FBXO38: variants seen among roughly 807,000 people sequenced by gnomAD.
FBXO38 encodes F-box only protein 38.
Under a neutral mutation model 131.9 loss-of-function variants are expected in FBXO38, and 53 were observed. That is an observed-to-expected ratio of 0.40 (90% CI 0.32 to 0.51). The LOEUF is 0.51. Among genes scored for constraint, FBXO38 ranks in the 20% least tolerant of loss-of-function variants. The pLI is 0.53. For synonymous variants in FBXO38, 452 were observed against 505.6 expected, an observed-to-expected ratio of 0.89 and a Z score of 1.42; for missense variants, 1,076 against 1,475.6, an observed-to-expected ratio of 0.73 and a Z score of 4.44.
Position 148,425,718 on chromosome 5 carries a change from C to T in FBXO38, c.1918+17C>T. On this transcript the variant is annotated intron_variant, in intron 14 of 21. Transcript: ENST00000340253. ...AATTGTCAGGTGAGAAATTGTCTTT[C>T]TCTGAACTATTAATGAGAGTCACTA... 1.9e-6 allele frequency: 3 copies of T among 1,607,830 alleles called. No individual in the cohort carries two copies. The highest frequency in any genetic ancestry group is 2.6e-6 in the Non-Finnish European group (3 of 1,175,992).
intron 12 of FBXO38, among the ~76,000 whole-genome samples, chr5:148,420,192 A>G (rs1015515896): frequency 6.7e-6 from 1 of 150,226 alleles, no homozygotes; most frequent in African/African-American, 2.5e-5. Context: ...GCATGATCAT[A>G]GCTCACTGTA....
At chr5:148,392,732 C>T (rs375874947) in intron 1 of FBXO38, among the ~76,000 whole-genome samples, 49 of 151,798 alleles carry the variant, frequency 3.2e-4, no homozygotes, top group African/African-American at 1.0e-3. Context: ...CGACAAGAAT[C>T]GAGAATATCA....
chr5:148,414,724 T>G (rs1000815587), intron 10 of FBXO38, among the ~76,000 whole-genome samples: 1 of 152,156 alleles, frequency 6.6e-6, no homozygotes, highest in Non-Finnish European at 1.5e-5. Flanking sequence ...TAACCTGAGA[T>G]AAAAATTTCT....
chr5:148,407,232 T>C (rs996835162), intron 7 of FBXO38, among the ~76,000 whole-genome samples: 2 of 152,172 alleles, frequency 1.3e-5, no homozygotes, highest in Non-Finnish European at 2.9e-5. Flanking sequence ...GTTAACAAGA[T>C]AAAAGTCAAA....
chr5:148,387,542 T>G (rs1467299499), intron 1 of FBXO38, among the ~76,000 whole-genome samples: 2 of 152,194 alleles, frequency 1.3e-5, no homozygotes, highest in Non-Finnish European at 2.9e-5. Flanking sequence ...CTTGTTAATG[T>G]TGATATTTTG....
Position 148,442,245 on chromosome 5 carries a change from G to C in FBXO38, c.*98G>C. The C allele has an allele frequency of 8.9e-7, 1 of 1,122,650 alleles. No homozygotes were observed. Among genetic ancestry groups the C allele is most frequent in the Non-Finnish European group, 1.3e-6 (1 of 771,334 alleles). 69.5% of individuals were successfully genotyped at this position (1,122,650 alleles called of 1,614,324 possible). A position where few individuals can be genotyped will look rare whatever the true frequency, so the allele number is the denominator to read the frequency against. ...GGGACTTGAGGCATGCAGTTGGGAG[G>C]TCCTGGCTCGGTTTGCTATATAGGG... On this transcript the variant is annotated 3_prime_UTR_variant, in exon 22 of 22. Coordinates refer to ENST00000340253, the MANE Select transcript of FBXO38 (RefSeq NM_205836.3).
intron 6 of FBXO38, among the ~76,000 whole-genome samples, chr5:148,405,288 AT>A (rs1561522321): frequency 1.3e-5 from 2 of 152,140 alleles, no homozygotes; most frequent in African/African-American, 4.8e-5. Context: ...CCCAATACAA[AT>A]TCTTAAACTT....
At chr5:148,424,139 C>A in intron 13 of FBXO38, 22 bp downstream of exon 13, 1 of 1,597,706 alleles carries the variant, frequency 6.3e-7, no homozygotes, top group Non-Finnish European at 8.5e-7. Flanking sequence ...ATCCATCCCA[C>A]ATTCATCATT....
intron 1 of FBXO38, among the ~76,000 whole-genome samples, chr5:148,388,111 A>G (rs1007279487): frequency 1.3e-5 from 2 of 152,220 alleles, no homozygotes; most frequent in African/African-American, 4.8e-5. Flanking sequence ...CTCCTTGTGT[A>G]TCTAATGGAC....
Position 148,442,515 on chromosome 5 carries a change from CTTT to C in FBXO38, c.*371_*373del, listed in dbSNP as rs1453989716. The C allele has an allele frequency of 6.3e-6, 1 of 158,460 alleles. No homozygotes were observed. The highest frequency in any genetic ancestry group is 6.4e-5 in the Admixed American group (1 of 15,668). The allele number at this position is 158,460 out of a possible 1,614,324, so 9.8% of individuals were successfully genotyped here. On this transcript the variant is annotated 3_prime_UTR_variant, in exon 22 of 22. Coordinates refer to ENST00000340253, the MANE Select transcript of FBXO38 (RefSeq NM_205836.3). ...TATTGTCATCCCTTTAAATCTGTGC[CTTT>C]TTCTTCTTGAGCGAAGCTGTTTGAG...
At chr5:148,415,703 G>A (rs1561530169) in intron 10 of FBXO38, among the ~76,000 whole-genome samples, 1 of 151,990 alleles carries the variant, frequency 6.6e-6, no homozygotes, top group Admixed American at 6.6e-5. Flanking sequence ...TTAAATCAGG[G>A]CTGATTGGAT....
intron 1 of FBXO38, chr5:148,389,776 C>G (rs979195085): frequency 4.6e-5 from 7 of 152,332 alleles, no homozygotes; most frequent in African/African-American, 1.4e-4. Context: ...CGCCTGTAAT[C>G]CCAGCACTTT....
At chr5:148,441,277 G>A (rs764547354) in intron 21 of FBXO38, 40 bp downstream of exon 21, 2 of 1,409,126 alleles carry the variant, frequency 1.4e-6, no homozygotes, top group South Asian at 2.3e-5. Context: ...TCTAGTTTAA[G>A]TATAGCCTAC....
intron 12 of FBXO38, among the ~76,000 whole-genome samples, chr5:148,421,194 A>C (rs1753405083): frequency 6.6e-6 from 1 of 152,074 alleles, no homozygotes; most frequent in Non-Finnish European, 1.5e-5. Context: ...TCTCCATCTC[A>C]ACCTCACGAT....
chr5:148,439,003 A>C (rs1581310553), intron 18 of FBXO38, among the ~76,000 whole-genome samples: 2 of 152,316 alleles, frequency 1.3e-5, no homozygotes, highest in South Asian at 4.1e-4. Context: ...CTTTGTAATC[A>C]GTGTGTAAGC....
chr5:148,412,609 A>G (rs1023656281), intron 9 of FBXO38, among the ~76,000 whole-genome samples: 36 of 152,122 alleles, frequency 2.4e-4, no homozygotes, highest in Non-Finnish European at 1.3e-4. Flanking sequence ...CAGAAACAAT[A>G]TAGTCCTAGC....
At chr5:148,438,562 G>A (rs1462816073) in intron 18 of FBXO38, 64 bp downstream of exon 18, 5 of 1,539,172 alleles carry the variant, frequency 3.2e-6, no homozygotes, top group Admixed American at 2.0e-5. Context: ...TCTTTTTCTT[G>A]TTAGTCTTTA....
chr5:148,436,806 T>C (rs763244261), intron 17 of FBXO38, among the ~76,000 whole-genome samples: 13 of 152,234 alleles, frequency 8.5e-5, no homozygotes, highest in Non-Finnish European at 1.5e-4. Flanking sequence ...GTAGTACTTT[T>C]CTCTATCCCA....
intron 12 of FBXO38, among the ~76,000 whole-genome samples, chr5:148,420,219 T>A (rs1383680186): frequency 6.6e-6 from 1 of 150,612 alleles, no homozygotes; most frequent in Non-Finnish European, 1.5e-5. Context: ...AACTCCTGGG[T>A]TCAAGTGATC....
Sources: gnomAD v4.1 joint callset for allele counts (sites outside exome capture counted in the v4.1 genomes callset) on GRCh38, gnomAD v4.1.1 for gene constraint, MANE v1.5 for transcripts, NCBI Gene and HGNC (gene_info 2026-07-23, HGNC 2026-07-21) for gene names.